TFCP2: variants seen among roughly 807,000 people sequenced by gnomAD.
TFCP2 encodes transcription factor CP2.
Under a neutral mutation model 73.4 loss-of-function variants are expected in TFCP2, and 33 were observed. The ratio of observed to expected loss-of-function variants is 0.45; its 90% CI spans 0.34 to 0.60. The LOEUF (loss-of-function observed/expected upper bound fraction) is 0.60, where lower values mean the gene tolerates loss of function less well. Ranked by LOEUF, TFCP2 falls within the 20% of genes least tolerant of loss-of-function variation. The pLI is 0.01. For synonymous variants in TFCP2, 193 were observed against 211.6 expected, an observed-to-expected ratio of 0.91 and a Z score of 0.76; for missense variants, 352 against 604.0, an observed-to-expected ratio of 0.58 and a Z score of 4.37.
rs140673267 is a variant in TFCP2, at chr12:51,169,906, T to C, written c.122+2395A>G. The stretch of plus-strand genomic sequence containing the variant: ...GATTTGTAAAGAACTCTTAATTAAA[T>C]GTAAGATGGCATAGTATCAAGAGCA... On this transcript the variant is annotated intron_variant, in intron 1 of 14. Transcript: ENST00000257915. Among the ~76,000 whole-genome samples the C allele has an allele frequency of 2.6e-5, 4 of 152,314 alleles. No individual in the cohort carries two copies. The East Asian group carries it at 7.7e-4, about 29-fold the overall frequency.
Position 51,103,214 on chromosome 12 carries a change from C to T in TFCP2, c.1060+456G>A, listed in dbSNP as rs191818700. ...AGGAGAATCACTTGAACCTGGGAGACGGAGGGTGCAGTGAGCCGAGATCAT... is the reference window on the plus strand; with the variant it reads ...AGGAGAATCACTTGAACCTGGGAGATGGAGGGTGCAGTGAGCCGAGATCAT... On this transcript the variant is annotated intron_variant, in intron 10 of 14. Transcript: ENST00000257915. Among the ~76,000 whole-genome samples the T allele has an allele frequency of 7.3e-5, 11 of 151,330 alleles. No homozygotes were observed. In the East Asian group the frequency reaches 1.6e-3, roughly 22 times the overall value.
chr12:51,098,646 A>G, intron 13 of TFCP2, 130 bp downstream of exon 13: 1 of 1,115,618 alleles, frequency 9.0e-7, no homozygotes, highest in Non-Finnish European at 1.2e-6. Flanking sequence ...AATTAGGAGG[A>G]AAGCAAGCAA....
intron 1 of TFCP2, among the ~76,000 whole-genome samples, chr12:51,141,226 G>C (rs1803399505): frequency 2.0e-5 from 3 of 151,126 alleles, no homozygotes; most frequent in Admixed American, 1.3e-4. Context: ...GCAGGGGGAA[G>C]TGGGGGAAGA....
chr12:51,109,941 A>G (rs1443587639), intron 5 of TFCP2, among the ~76,000 whole-genome samples: 1 of 151,552 alleles, frequency 6.6e-6, no homozygotes, highest in East Asian at 1.9e-4. Flanking sequence ...CTGGTCTCGA[A>G]CTCCTGACCT....
chr12:51,116,503 C>T, intron 3 of TFCP2, 83 bp from the exon 4 acceptor site: 1 of 669,382 alleles, frequency 1.5e-6, no homozygotes, highest in Non-Finnish European at 2.4e-6. Flanking sequence ...GGATTCACTG[C>T]CAGTTTGTTT....
At chr12:51,125,196 G>T in intron 1 of TFCP2, 1 of 660,440 alleles carries the variant, frequency 1.5e-6, no homozygotes, top group East Asian at 3.2e-5. Flanking sequence ...TACATTACGT[G>T]GTGGAGAAAG....
chr12:51,116,668 A>G (rs1592800626), intron 3 of TFCP2, among the ~76,000 whole-genome samples: 1 of 144,760 alleles, frequency 6.9e-6, no homozygotes, highest in Non-Finnish European at 1.5e-5. Flanking sequence ...CCCAGGTTGG[A>G]GTGCAATGGT....
At chr12:51,154,414 C>T (rs1405873293) in intron 1 of TFCP2, among the ~76,000 whole-genome samples, 1 of 152,188 alleles carries the variant, frequency 6.6e-6, no homozygotes, top group Admixed American at 6.5e-5. Flanking sequence ...ATAAATGTGG[C>T]TGGGCACAGT....
chr12:51,154,787 G>C (rs1368710984), intron 1 of TFCP2, among the ~76,000 whole-genome samples: 1 of 152,034 alleles, frequency 6.6e-6, no homozygotes, highest in Non-Finnish European at 1.5e-5. Flanking sequence ...GTTGACCTTG[G>C]GTAACTGATA....
intron 1 of TFCP2, among the ~76,000 whole-genome samples, chr12:51,143,273 C>G (rs2137018731): frequency 6.6e-6 from 1 of 151,380 alleles, no homozygotes; most frequent in African/African-American, 2.4e-5. Flanking sequence ...TGGACCAAGT[C>G]CAATATAAAA....
chr12:51,144,879 T>A (rs1477558850), intron 1 of TFCP2, among the ~76,000 whole-genome samples: 1 of 151,996 alleles, frequency 6.6e-6, no homozygotes, highest in Non-Finnish European at 1.5e-5. Flanking sequence ...CTGGCCAACA[T>A]GGCAAAATGC....
chr12:51,138,592 T>TA (rs1044974324), intron 1 of TFCP2, among the ~76,000 whole-genome samples: 3 of 152,252 alleles, frequency 2.0e-5, no homozygotes, highest in South Asian at 2.1e-4. Context: ...TGATAGGACT[T>TA]ACGAACATTT....
In TFCP2 at chr12:51,095,972, G is replaced by A. The variant is rs754668216; in HGVS notation, c.1471+17C>T. 21 of 1,608,888 alleles carry A rather than the reference G, an allele frequency of 1.3e-5. No homozygotes were observed. Among genetic ancestry groups the A allele is most frequent in the Non-Finnish European group, 1.7e-5 (20 of 1,176,316 alleles). ...GCTGTTAAACTGCTTAGAGAAAGAT[G>A]TTTGTCTTACTATTACCTTTCATTG... On this transcript the variant is annotated intron_variant, in intron 14 of 14. Transcript: ENST00000257915.
At position 51,172,295 on chromosome 12, in the gene TFCP2, A is replaced by T. The variant is rs2137057496; in HGVS notation, c.122+6T>A. The T allele has an allele frequency of 6.2e-7, 1 of 1,613,264 alleles. No individual in the cohort carries two copies. The highest frequency in any genetic ancestry group is 2.2e-5 in the East Asian group (1 of 44,846). On this transcript the variant is annotated splice_donor_region_variant and intron_variant, in intron 1 of 14. Transcript: ENST00000257915. ...AAGGTGTAGGGTCTGGGAAAATCTC[A>T]CTCACCTCATGCTATAGGCACCAGC...
rs1939958396 is a variant in TFCP2 at position 51,095,990 on chromosome 12, T to C, written c.1470A>G (p.Lys490=). The C allele has an allele frequency of 1.9e-6, 3 of 1,612,982 alleles. No individual in the cohort carries two copies. The highest frequency in any genetic ancestry group is 2.5e-6 in the Non-Finnish European group (3 of 1,179,430). The stretch of plus-strand genomic sequence containing the variant: ...GAAAGATGTTTGTCTTACTATTACC[T>C]TTCATTGTGTCCAGAATAAAACATG... ...EEACFILDTM[K]AETNDSYHII... is the part of the protein sequence containing the mutation. Residue 490 remains lysine, a splice_region_variant and synonymous_variant, in exon 14 of 15, where the codon AAA becomes AAG. Transcript: ENST00000257915.
intron 1 of TFCP2, among the ~76,000 whole-genome samples, chr12:51,158,607 G>A (rs1261643098): frequency 6.6e-6 from 1 of 151,474 alleles, no homozygotes; most frequent in Admixed American, 6.6e-5. Context: ...TCCTGCCTCG[G>A]CCTCCCGAGT....
At chr12:51,151,374 T>C (rs1214275048) in intron 1 of TFCP2, among the ~76,000 whole-genome samples, 1 of 152,174 alleles carries the variant, frequency 6.6e-6, no homozygotes, top group Non-Finnish European at 1.5e-5. Context: ...CAGGTACACC[T>C]TGGTGAGTGA....
chr12:51,126,173 T>C lies in TFCP2; in HGVS notation c.123-7401A>G, dbSNP rs532277533. Among the ~76,000 whole-genome samples, 11 of 136,318 alleles carry C rather than the reference T, an allele frequency of 8.1e-5. No individual in the cohort carries two copies. The South Asian group carries it at 8.8e-4, about 11-fold the overall frequency. 89.4% of individuals were successfully genotyped at this position (136,318 alleles called of 152,430 possible). The stretch of plus-strand genomic sequence containing the variant: ...GCGTGAACCCGGGAGGCGGAGCTTG[T>C]AGTGAGCCGAGATTGCGCTACTGCA... On this transcript the variant is annotated intron_variant, in intron 1 of 14. Transcript: ENST00000257915.
At chr12:51,130,185 C>A (rs1230013315) in intron 1 of TFCP2, among the ~76,000 whole-genome samples, 3 of 151,856 alleles carry the variant, frequency 2.0e-5, no homozygotes, top group Admixed American at 6.6e-5. Context: ...AAAAAAGAAG[C>A]TGTTGGCCGG....
Sources: allele counts gnomAD v4.1 joint callset (sites outside exome capture counted in the v4.1 genomes callset), GRCh38; gene constraint gnomAD v4.1.1; transcripts MANE v1.5; gene names NCBI Gene and HGNC (gene_info 2026-07-23, HGNC 2026-07-21).